NLGN1: variants seen among roughly 807,000 people sequenced by gnomAD.
The protein encoded by NLGN1 is neuroligin-1.
Under a neutral mutation model 65.5 loss-of-function variants are expected in NLGN1, and 12 were observed. The ratio of observed to expected loss-of-function variants is 0.18; its 90% CI spans 0.12 to 0.30. The LOEUF (loss-of-function observed/expected upper bound fraction) is 0.30, where lower values mean the gene tolerates loss of function less well. Ranked by LOEUF, NLGN1 falls within the 10% of genes least tolerant of loss-of-function variation. The pLI is 1.00. For missense variants in NLGN1, 750 were observed against 1,007.1 expected (o/e 0.74, Z 3.46); for synonymous variants, 350 against 359.5 (o/e 0.97, Z 0.30).
At chr3:174,250,430 G>A (rs1014053050) in intron 4 of NLGN1, among the ~76,000 whole-genome samples, 1 of 152,168 alleles carries the variant, frequency 6.6e-6, no homozygotes, top group East Asian at 1.9e-4. Flanking sequence ...TTTCAGTTAA[G>A]GGGGTTTATT....
At chr3:173,556,543 A>T (rs1741730255) in intron 2 of NLGN1, among the ~76,000 whole-genome samples, 1 of 152,150 alleles carries the variant, frequency 6.6e-6, no homozygotes, top group Non-Finnish European at 1.5e-5. Flanking sequence ...GGCTGGGTAC[A>T]GTGACTTATG....
chr3:173,965,126 A>G (rs1714532474), intron 4 of NLGN1, among the ~76,000 whole-genome samples: 1 of 152,088 alleles, frequency 6.6e-6, no homozygotes, highest in African/African-American at 2.4e-5. Context: ...CTTTCACTGT[A>G]TCCTTTCCTA....
chr3:173,500,113 C>A (rs1730800057), intron 2 of NLGN1, among the ~76,000 whole-genome samples: 1 of 152,144 alleles, frequency 6.6e-6, no homozygotes, highest in Non-Finnish European at 1.5e-5. Flanking sequence ...TAAGAGAGGG[C>A]ATCCCTGTCT....
intron 2 of NLGN1, among the ~76,000 whole-genome samples, chr3:173,552,377 A>G (rs754758271): frequency 1.3e-5 from 2 of 152,080 alleles, no homozygotes; most frequent in Non-Finnish European, 2.9e-5. Flanking sequence ...CAAAGGATCT[A>G]TGCATCAGAT....
At position 173,870,127 on chromosome 3, in the gene NLGN1, A is replaced by G. The variant is rs553762097; in HGVS notation, c.646+62295A>G. On this transcript the variant is annotated intron_variant, in intron 4 of 6. Coordinates refer to ENST00000457714, the Ensembl canonical transcript of NLGN1. ...TTCCTAGGTTTTAATAGACATCCTT[A>G]CTTTTGTGTCAAATAATGTAATTAT... Among the ~76,000 whole-genome samples the G allele has an allele frequency of 5.9e-5, 9 of 152,258 alleles. No homozygotes were observed. In the East Asian group the frequency reaches 1.7e-3, roughly 29 times the overall value.
chr3:173,457,135 G>A (rs1246150037), intron 2 of NLGN1, among the ~76,000 whole-genome samples: 2 of 152,086 alleles, frequency 1.3e-5, no homozygotes, highest in Non-Finnish European at 2.9e-5. Flanking sequence ...ACACAGAAGG[G>A]TGGTGAATGA....
At chr3:173,589,602 T>C (rs1288801372) in intron 2 of NLGN1, among the ~76,000 whole-genome samples, 1 of 152,216 alleles carries the variant, frequency 6.6e-6, no homozygotes, top group Non-Finnish European at 1.5e-5. Context: ...TGTGATTTTC[T>C]TATATTTTGC....
chr3:174,220,530 C>T (rs954692059), intron 4 of NLGN1, among the ~76,000 whole-genome samples: 1 of 152,050 alleles, frequency 6.6e-6, no homozygotes, highest in African/African-American at 2.4e-5. Context: ...AAATTTAGAC[C>T]AAGACGACAT....
chr3:174,138,644 C>T (rs1179196364), intron 4 of NLGN1, among the ~76,000 whole-genome samples: 2 of 151,870 alleles, frequency 1.3e-5, no homozygotes, highest in African/African-American at 2.4e-5. Flanking sequence ...CCGTGTTAGC[C>T]AGGATGGTCT....
chr3:174,235,755 G>T (rs945356516), intron 4 of NLGN1, among the ~76,000 whole-genome samples: 1 of 152,022 alleles, frequency 6.6e-6, no homozygotes, highest in African/African-American at 2.4e-5. Flanking sequence ...ATCATAAAAG[G>T]CTTAAATCTA....
At chr3:174,263,593 G>C (rs1747396781) in intron 4 of NLGN1, among the ~76,000 whole-genome samples, 2 of 152,082 alleles carry the variant, frequency 1.3e-5, no homozygotes, top group South Asian at 4.2e-4. Flanking sequence ...ACGTGAGATG[G>C]GATTCCTGAA....
In NLGN1 at chr3:173,435,708, G is replaced by A. The variant is rs191502865; in HGVS notation, c.-321+630G>A. ...AAATTAGCCAGGCGTGGCAGTGCAC[G>A]CCTGTAGTCCCAGCTACTAAGGAGG... On this transcript the variant is annotated intron_variant, in intron 2 of 6. Transcript: ENST00000457714. 5.9e-4 allele frequency among the ~76,000 whole-genome samples: 90 copies of A among 152,156 alleles called. 1 individual carries two copies. The East Asian group carries it at 0.015, about 25-fold the overall frequency.
intron 3 of NLGN1, among the ~76,000 whole-genome samples, chr3:173,704,308 G>T (rs931242168): frequency 2.0e-5 from 3 of 152,112 alleles, no homozygotes; most frequent in Admixed American, 2.0e-4. Context: ...TGGTAGTTTC[G>T]TTGTTTAAAA....
intron 4 of NLGN1, among the ~76,000 whole-genome samples, chr3:174,142,591 A>G (rs2152690789): frequency 6.6e-6 from 1 of 152,332 alleles, no homozygotes. Context: ...CACAGAGAAT[A>G]CAAGCAAAGG....
chr3:174,140,049 G>A (rs1424360793), intron 4 of NLGN1, among the ~76,000 whole-genome samples: 2 of 152,034 alleles, frequency 1.3e-5, no homozygotes, highest in African/African-American at 2.4e-5. Flanking sequence ...GGCTTATCTT[G>A]TTCTTCTCTT....
At chr3:173,707,966 T>C (rs1472024644) in intron 3 of NLGN1, among the ~76,000 whole-genome samples, 1 of 152,232 alleles carries the variant, frequency 6.6e-6, no homozygotes, top group East Asian at 1.9e-4. Flanking sequence ...TTAATGCCTT[T>C]TACTATCATA....
intron 4 of NLGN1, among the ~76,000 whole-genome samples, chr3:174,228,435 C>T (rs111911068): frequency 2.0e-5 from 3 of 152,038 alleles, no homozygotes; most frequent in Non-Finnish European, 2.9e-5. Flanking sequence ...CCCAAAGGCA[C>T]GTATTTGCAG....
chr3:174,196,654 A>C (rs947670110), intron 4 of NLGN1, among the ~76,000 whole-genome samples: 1 of 152,240 alleles, frequency 6.6e-6, no homozygotes, highest in Non-Finnish European at 1.5e-5. Context: ...TAGATCAAAA[A>C]GCACCAACAA....
At chr3:173,414,789 C>G (rs1292182702) in intron 1 of NLGN1, among the ~76,000 whole-genome samples, 1 of 152,068 alleles carries the variant, frequency 6.6e-6, no homozygotes, top group Admixed American at 6.5e-5. Context: ...AGGAGCAGGA[C>G]CACGAAAGGT....
Sources: gnomAD v4.1 joint callset for allele counts (sites outside exome capture counted in the v4.1 genomes callset) on GRCh38, gnomAD v4.1.1 for gene constraint, MANE v1.5 for transcripts, NCBI Gene and HGNC (gene_info 2026-07-23, HGNC 2026-07-21) for gene names.